OLFM3: variants seen among roughly 807,000 people sequenced by gnomAD.
OLFM3 encodes the protein olfactomedin 3.
Under a neutral mutation model 48.6 loss-of-function variants are expected in OLFM3, and 20 were observed. That is an observed-to-expected ratio of 0.41 (90% CI 0.29 to 0.60). OLFM3 has a LOEUF of 0.60. Ranked by LOEUF, OLFM3 falls within the 20% of genes least tolerant of loss-of-function variation. OLFM3 has a pLI of 0.28. For missense variants in OLFM3, 437 were observed against 544.3 expected (o/e 0.80, Z 1.96); for synonymous variants, 222 against 198.1 (o/e 1.12, Z -1.01).
chr1:101,960,466 G>A (rs1468410175), intron 1 of OLFM3, among the ~76,000 whole-genome samples: 2 of 152,118 alleles, frequency 1.3e-5, no homozygotes, highest in Non-Finnish European at 2.9e-5. Flanking sequence ...CACTTGCCTA[G>A]AAGAAATTAT....
At chr1:101,950,798 A>G (rs1444821679) in intron 1 of OLFM3, among the ~76,000 whole-genome samples, 1 of 152,162 alleles carries the variant, frequency 6.6e-6, no homozygotes, top group African/African-American at 2.4e-5. Flanking sequence ...CTCTATAAGA[A>G]CAAGGGCTTT....
At chr1:101,908,955 G>C (rs943748795) in intron 1 of OLFM3, among the ~76,000 whole-genome samples, 1 of 152,198 alleles carries the variant, frequency 6.6e-6, no homozygotes, top group African/African-American at 2.4e-5. Flanking sequence ...ATAAATTTCT[G>C]TTATTTTAAC....
At chr1:101,854,311 T>C (rs1656335827) in intron 1 of OLFM3, among the ~76,000 whole-genome samples, 1 of 152,028 alleles carries the variant, frequency 6.6e-6, no homozygotes, top group Non-Finnish European at 1.5e-5. Flanking sequence ...TTCAATATTG[T>C]CTTAAAAGTA....
At chr1:101,807,120 T>C (rs1342989100) in intron 4 of OLFM3, among the ~76,000 whole-genome samples, 2 of 151,318 alleles carry the variant, frequency 1.3e-5, no homozygotes, top group East Asian at 3.9e-4. Flanking sequence ...TTTTATTTAT[T>C]TTAAGTTCAA....
At chr1:101,808,271 CA>C (rs1350733759) in intron 4 of OLFM3, among the ~76,000 whole-genome samples, 1 of 150,572 alleles carries the variant, frequency 6.6e-6, no homozygotes, top group African/African-American at 2.4e-5. Flanking sequence ...GGGAAAAAAA[CA>C]AAAGAAAAAA....
intron 1 of OLFM3, among the ~76,000 whole-genome samples, chr1:101,850,458 G>A (rs1222310660): frequency 1.3e-5 from 2 of 151,872 alleles, no homozygotes; most frequent in Non-Finnish European, 2.9e-5. Context: ...TATAATATTA[G>A]CATGTTCTGT....
intron 1 of OLFM3, among the ~76,000 whole-genome samples, chr1:101,871,802 G>A (rs1657094454): frequency 6.6e-6 from 1 of 151,874 alleles, no homozygotes; most frequent in Non-Finnish European, 1.5e-5. Flanking sequence ...GATATACTTT[G>A]AAAATACACT....
intron 1 of OLFM3, chr1:101,847,127 C>T: frequency 1.1e-6 from 1 of 928,374 alleles, no homozygotes; most frequent in Non-Finnish European, 1.3e-6. Flanking sequence ...GAACCTCCTT[C>T]CCCCATCCTC....
intron 1 of OLFM3, among the ~76,000 whole-genome samples, chr1:101,945,566 T>G (rs5007371): frequency 0.4 from 60,952 of 151,966 alleles, 12,511 homozygotes; most frequent in East Asian, 0.51. Context: ...ATTTTTTTTT[T>G]ATATTGGTGA....
intron 1 of OLFM3, among the ~76,000 whole-genome samples, chr1:101,951,937 G>A (rs1390080491): frequency 6.6e-6 from 1 of 151,714 alleles, no homozygotes; most frequent in Non-Finnish European, 1.5e-5. Flanking sequence ...GTGTTGATTG[G>A]GATAATTTTT....
In OLFM3 at chr1:101,804,493, T is replaced by C; in HGVS notation, c.1122A>G (p.Ala374=). The change falls in exon 6 of 6, where the codon GCA becomes GCG. Residue 374 remains alanine, a synonymous_variant. Coordinates refer to ENST00000370103, the MANE Select transcript of OLFM3 (RefSeq NM_058170.4). This position sits in a 1 kb window ranked among gnomAD's most constrained non-coding sequence, Gnocchi z 4.5. ...SWSTGYPKRS[A]GESFMICGTL... ...TCCCACAGATCATGAAAGATTCCCC[T>C]GCACTTCTCTTGGGGTAGCCAGTGC... The C allele has an allele frequency of 6.2e-7, 1 of 1,612,676 alleles. No homozygotes were observed. Among genetic ancestry groups the C allele is most frequent in the Non-Finnish European group, 8.5e-7 (1 of 1,179,108 alleles).
At chr1:101,809,581 G>A (rs749732271) in intron 4 of OLFM3, among the ~76,000 whole-genome samples, 51 of 151,982 alleles carry the variant, frequency 3.4e-4, no homozygotes, top group Non-Finnish European at 4.3e-4. Context: ...CATCAGACAA[G>A]AAAATAGTGA....
intron 1 of OLFM3, among the ~76,000 whole-genome samples, chr1:101,945,745 T>G (rs1199076751): frequency 6.6e-6 from 1 of 152,088 alleles, no homozygotes; most frequent in Non-Finnish European, 1.5e-5. Flanking sequence ...ACCAAGAGTT[T>G]GAGATCAGCC....
chr1:101,831,704 C>T (rs951599333), intron 2 of OLFM3, among the ~76,000 whole-genome samples: 1 of 152,112 alleles, frequency 6.6e-6, no homozygotes, highest in Non-Finnish European at 1.5e-5. Context: ...TTTGGTATCA[C>T]CTAGGAGTTT....
chr1:101,817,973 G>T (rs1311040332), intron 4 of OLFM3, among the ~76,000 whole-genome samples: 1 of 152,034 alleles, frequency 6.6e-6, no homozygotes, highest in Admixed American at 6.6e-5. Flanking sequence ...TGTTGTATTG[G>T]ATAGAGCACC....
intron 1 of OLFM3, among the ~76,000 whole-genome samples, chr1:101,896,044 T>C (rs1658189843): frequency 3.3e-5 from 5 of 151,324 alleles, no homozygotes. Context: ...ATTTATGTAA[T>C]AAAATATACA....
intron 1 of OLFM3, among the ~76,000 whole-genome samples, chr1:101,939,786 G>C (rs1475964408): frequency 2.0e-5 from 3 of 152,260 alleles, no homozygotes; most frequent in Middle Eastern, 3.4e-3. Context: ...TTAAACAATT[G>C]TAAGGGAAGT....
chr1:101,899,862 A>G (rs573503730), intron 1 of OLFM3, among the ~76,000 whole-genome samples: 17 of 152,240 alleles, frequency 1.1e-4, no homozygotes, highest in Non-Finnish European at 2.4e-4. Flanking sequence ...TAAGTTACTT[A>G]TTTAGCTTCA....
chr1:101,890,370 CACAT>C (rs1457042814), intron 1 of OLFM3, among the ~76,000 whole-genome samples: 1 of 143,204 alleles, frequency 7.0e-6, no homozygotes, highest in African/African-American at 2.6e-5. Flanking sequence ...CACACACACA[CACAT>C]ACACACAGAA....
Sources: allele counts gnomAD v4.1 joint callset (sites outside exome capture counted in the v4.1 genomes callset), GRCh38; gene constraint gnomAD v4.1.1; non-coding constraint Gnocchi (gnomAD v3.1); transcripts MANE v1.5; gene names NCBI Gene and HGNC (gene_info 2026-07-23, HGNC 2026-07-21).